PHLDB2: variants seen among roughly 807,000 people sequenced by gnomAD.
PHLDB2 encodes the protein pleckstrin homology-like domain family B member 2.
PHLDB2 carries 71 observed loss-of-function variants against 123.6 expected under a neutral mutation model. The ratio of observed to expected loss-of-function variants is 0.57; its 90% confidence interval spans 0.47 to 0.70. PHLDB2 has a LOEUF of 0.70. PHLDB2 is among the 30% of genes least tolerant of loss of function. The pLI is 0.00. For missense variants in PHLDB2, 1,446 were observed against 1,519.5 expected (o/e 0.95, Z 0.80); for synonymous variants, 547 against 541.6 (o/e 1.01, Z -0.14).
At chr3:111,774,141 G>A (rs1313081300) in intron 1 of PHLDB2, among the ~76,000 whole-genome samples, 3 of 152,206 alleles carry the variant, frequency 2.0e-5, no homozygotes, top group Admixed American at 1.3e-4. Flanking sequence ...GAAAGCCAGT[G>A]CCAGGGAGGG....
intron 1 of PHLDB2, among the ~76,000 whole-genome samples, chr3:111,811,359 G>A (rs1020167925): frequency 6.6e-6 from 1 of 152,132 alleles, no homozygotes; most frequent in South Asian, 2.1e-4. Context: ...CTGTGGTCAG[G>A]AGAACTCTTG....
chr3:111,897,901 G>A (rs183618662), intron 2 of PHLDB2, among the ~76,000 whole-genome samples: 1 of 152,232 alleles, frequency 6.6e-6, no homozygotes, highest in Middle Eastern at 3.4e-3. Context: ...AGCAAGTGAC[G>A]CAAATTTTTT....
At chr3:111,763,676 G>A (rs2060032129) in intron 1 of PHLDB2, among the ~76,000 whole-genome samples, 1 of 152,090 alleles carries the variant, frequency 6.6e-6, no homozygotes, top group Non-Finnish European at 1.5e-5. Flanking sequence ...ATGGTATTAG[G>A]TTGTAGTATT....
upstream of PHLDB2, among the ~76,000 whole-genome samples, chr3:111,858,304 G>T (rs188475772): frequency 6.6e-6 from 1 of 152,150 alleles, no homozygotes; most frequent in Non-Finnish European, 1.5e-5. Flanking sequence ...GGCCTGTTGG[G>T]GGGTGGGGGA....
At chr3:111,952,532 A>G (rs2070779617) in intron 10 of PHLDB2, 40 bp from the exon 11 acceptor site, 2 of 1,588,918 alleles carry the variant, frequency 1.3e-6, no homozygotes, top group Admixed American at 1.9e-5. Flanking sequence ...TATTACAGTT[A>G]GTCAAGTTTT....
chr3:111,773,900 T>C (rs1352820144), intron 1 of PHLDB2, among the ~76,000 whole-genome samples: 1 of 152,224 alleles, frequency 6.6e-6, no homozygotes, highest in Admixed American at 6.5e-5. Flanking sequence ...AACTTATTTA[T>C]GCACTCTCTT....
intron 9 of PHLDB2, 77 bp from the exon 10 acceptor site, chr3:111,948,855 G>T (rs2070503376): frequency 3.3e-5 from 47 of 1,438,996 alleles, no homozygotes; most frequent in Non-Finnish European, 4.5e-5. Context: ...TAACTTCATT[G>T]TACTGGGAAC....
intron 2 of PHLDB2, among the ~76,000 whole-genome samples, chr3:111,901,403 G>A (rs1239844517): frequency 2.0e-5 from 3 of 150,906 alleles, no homozygotes; most frequent in Non-Finnish European, 4.4e-5. Flanking sequence ...TATGTGATAT[G>A]ACTCAAAAAT....
intron 1 of PHLDB2, among the ~76,000 whole-genome samples, chr3:111,874,336 C>T (rs2065493419): frequency 6.6e-6 from 1 of 152,096 alleles, no homozygotes; most frequent in African/African-American, 2.4e-5. Context: ...TGTGTTTTTC[C>T]CTTTGTACTC....
intron 1 of PHLDB2, among the ~76,000 whole-genome samples, chr3:111,843,796 CT>C (rs1030915287): frequency 1.1e-4 from 17 of 152,280 alleles, no homozygotes; most frequent in Admixed American, 1.1e-3. Flanking sequence ...TCTCATTTCA[CT>C]TTTTTGATGG....
intron 12 of PHLDB2, chr3:111,961,893 TG>T: frequency 1.9e-6 from 1 of 539,148 alleles, no homozygotes; most frequent in South Asian, 2.5e-5. Context: ...GTGATCCTGC[TG>T]AGGGGTAAGA....
At chr3:111,899,426 C>T (rs1021792111) in intron 2 of PHLDB2, among the ~76,000 whole-genome samples, 14 of 152,174 alleles carry the variant, frequency 9.2e-5, no homozygotes, top group African/African-American at 2.9e-4. Context: ...TGCTCTCCCC[C>T]ACTTCCCCCA....
At chr3:111,851,789 A>C (rs970540573) in intron 2 of PHLDB2, among the ~76,000 whole-genome samples, 3 of 151,818 alleles carry the variant, frequency 2.0e-5, no homozygotes, top group African/African-American at 7.3e-5. Flanking sequence ...TCAAAGCCCC[A>C]TCTTTCCCCT....
chr3:111,898,190 G>GTGTT (rs2061751375), intron 2 of PHLDB2, among the ~76,000 whole-genome samples: 1 of 149,780 alleles, frequency 6.7e-6, no homozygotes, highest in African/African-American at 2.5e-5. Context: ...GTTTGTGTGT[G>GTGTT]TGTGTGTGTG....
intron 2 of PHLDB2, among the ~76,000 whole-genome samples, chr3:111,899,852 C>T (rs2067088150): frequency 6.6e-6 from 1 of 152,178 alleles, no homozygotes; most frequent in Non-Finnish European, 1.5e-5. Flanking sequence ...GTGATCCTCT[C>T]GCCTAGGCCT....
chr3:111,774,489 A>G (rs6762246), intron 1 of PHLDB2, among the ~76,000 whole-genome samples: 40,695 of 152,150 alleles, frequency 0.27, 6,891 homozygotes, highest in African/African-American at 0.48. Context: ...ATCTGCATTT[A>G]GAAGCACTGG....
At chr3:111,973,603 G>A (rs1171242519) in intron 16 of PHLDB2, 129 bp from the exon 17 acceptor site, 6 of 519,562 alleles carry the variant, frequency 1.2e-5, no homozygotes, top group Non-Finnish European at 2.0e-5. Flanking sequence ...ACTAGCCCAA[G>A]TTCTCTGAAT....
At chr3:111,790,846 A>T (rs1243100553) in intron 1 of PHLDB2, among the ~76,000 whole-genome samples, 1 of 152,218 alleles carries the variant, frequency 6.6e-6, no homozygotes, top group Non-Finnish European at 1.5e-5. Flanking sequence ...TTAAAAAATT[A>T]AACATTTTCA....
chr3:111,764,485 A>C (rs1284812579), intron 1 of PHLDB2, among the ~76,000 whole-genome samples: 2 of 152,090 alleles, frequency 1.3e-5, no homozygotes, highest in Non-Finnish European at 2.9e-5. Flanking sequence ...TATCACCCCT[A>C]TTCCCAACCT....
Sources: allele counts gnomAD v4.1 joint callset (sites outside exome capture counted in the v4.1 genomes callset), GRCh38; gene constraint gnomAD v4.1.1; transcripts MANE v1.5; gene names NCBI Gene and HGNC (gene_info 2026-07-23, HGNC 2026-07-21).